SASH1: variants seen among roughly 807,000 people sequenced by gnomAD.
SASH1 encodes SAM and SH3 domain containing 1.
SASH1 carries 44 observed loss-of-function variants against 125.2 expected under a neutral mutation model. The observed-to-expected ratio is 0.35, with a 90% CI of 0.28 to 0.45. The LOEUF (loss-of-function observed/expected upper bound fraction) is 0.45. Among genes scored for constraint, SASH1 ranks in the 20% least tolerant of loss-of-function variants. The pLI, the probability that SASH1 is intolerant of heterozygous loss-of-function variation, is 1.00. For missense variants in SASH1, 1,426 were observed against 1,614.5 expected (o/e 0.88, Z 2.00); for synonymous variants, 639 against 649.1 (o/e 0.98, Z 0.24).
chr6:148,437,016 A>G (rs545720752), intron 2 of SASH1, among the ~76,000 whole-genome samples: 6 of 152,342 alleles, frequency 3.9e-5, no homozygotes, highest in African/African-American at 1.4e-4. Flanking sequence ...ATTTCTGTCT[A>G]CATTGTGACA....
chr6:148,257,917 C>T, the SASH1 span, among the ~76,000 whole-genome samples: 1 of 152,156 alleles, frequency 6.6e-6, no homozygotes, highest in Non-Finnish European at 1.5e-5. Flanking sequence ...GCTGAGCCAC[C>T]ACACCTGGCC....
intron 2 of SASH1, among the ~76,000 whole-genome samples, chr6:148,417,588 A>AAATAG (rs1784879576): frequency 6.6e-6 from 1 of 151,714 alleles, no homozygotes; most frequent in African/African-American, 2.4e-5. Context: ...TGTCAAAATA[A>AAATAG]ATAAATAAAT....
intron 1 of SASH1, among the ~76,000 whole-genome samples, chr6:148,305,463 A>G (rs2128515796): frequency 6.6e-6 from 1 of 152,190 alleles, no homozygotes; most frequent in Admixed American, 6.5e-5. Context: ...TCTCTACTAA[A>G]AATACAAAAA....
chr6:148,458,072 T>TG (rs1300489934), intron 4 of SASH1, among the ~76,000 whole-genome samples: 4 of 152,156 alleles, frequency 2.6e-5, no homozygotes, highest in African/African-American at 9.7e-5. Context: ...GTTTAGACAA[T>TG]GGGGACATCT....
the SASH1 span, among the ~76,000 whole-genome samples, chr6:148,238,945 G>T: frequency 6.6e-6 from 1 of 152,144 alleles, no homozygotes; most frequent in African/African-American, 2.4e-5. Flanking sequence ...CAGGCAGATT[G>T]CAGGGAGCTG....
chr6:148,352,721 C>T (rs1237328132), intron 1 of SASH1, among the ~76,000 whole-genome samples: 3 of 151,970 alleles, frequency 2.0e-5, no homozygotes, highest in African/African-American at 7.3e-5. Context: ...CCTGTAATTC[C>T]AGCACTTTGG....
At chr6:148,211,999 G>C in the SASH1 span, among the ~76,000 whole-genome samples, 6 of 152,210 alleles carry the variant, frequency 3.9e-5, no homozygotes, top group Non-Finnish European at 4.4e-5. Context: ...ACTTGGGTGG[G>C]ACTGAGGAAT....
intron 8 of SASH1, among the ~76,000 whole-genome samples, chr6:148,507,646 A>G (rs369300667): frequency 2.0e-5 from 3 of 152,138 alleles, no homozygotes; most frequent in Admixed American, 1.3e-4. Flanking sequence ...GGCGTGAGCC[A>G]CTGTGCCTGG....
chr6:148,538,438 A>G (rs1782006558), intron 16 of SASH1, among the ~76,000 whole-genome samples: 2 of 152,230 alleles, frequency 1.3e-5, no homozygotes, highest in Admixed American at 1.3e-4. Context: ...GCCAGAACAA[A>G]GGCCACTGCA....
At chr6:148,262,698 A>G in the SASH1 span, among the ~76,000 whole-genome samples, 1 of 152,206 alleles carries the variant, frequency 6.6e-6, no homozygotes, top group East Asian at 1.9e-4. Flanking sequence ...AGCCTGGCCA[A>G]CATGGGAAAC....
intron 9 of SASH1, among the ~76,000 whole-genome samples, chr6:148,517,894 G>A (rs1168045328): frequency 6.6e-6 from 1 of 152,196 alleles, no homozygotes; most frequent in Non-Finnish European, 1.5e-5. Context: ...CCTTAGGACT[G>A]TGGGTGGAGA....
At chr6:148,248,108 C>T in the SASH1 span, among the ~76,000 whole-genome samples, 6 of 152,260 alleles carry the variant, frequency 3.9e-5, no homozygotes, top group East Asian at 9.7e-4. Flanking sequence ...CATACAAGTC[C>T]GAAATATTTA....
In SASH1 at chr6:148,485,603, A is replaced by C. The variant is rs538518671; in HGVS notation, c.628-2011A>C. On this transcript the variant is annotated intron_variant, in intron 7 of 19. Transcript: ENST00000367467. ...TCCAGGTGGAGGAACCGAAACATAG[A>C]GGGGTTAAATAATTTGTCCTCAGGC... Among the ~76,000 whole-genome samples the C allele has an allele frequency of 1.4e-4, 21 of 152,290 alleles. No homozygotes were observed. The South Asian group carries it at 4.1e-3, about 30-fold the overall frequency.
At chr6:148,277,615 C>T (rs1779222077) in intron 1 of SASH1, among the ~76,000 whole-genome samples, 1 of 152,318 alleles carries the variant, frequency 6.6e-6, no homozygotes, top group Admixed American at 6.5e-5. Flanking sequence ...ATTATGTTGA[C>T]ACTCCAATAG....
intron 1 of SASH1, among the ~76,000 whole-genome samples, chr6:148,274,696 T>C (rs941176004): frequency 1.3e-5 from 2 of 152,200 alleles, no homozygotes; most frequent in African/African-American, 4.8e-5. Flanking sequence ...TTGTGGGAGA[T>C]GATTGTGTAT....
intron 7 of SASH1, among the ~76,000 whole-genome samples, chr6:148,486,936 AATATATATATATATATATATATATAT>A (rs68036618): frequency 0.059 from 3,664 of 61,988 alleles, 381 homozygotes; most frequent in East Asian, 0.33. Context: ...AACAACAACA[AATATATATATATATATATATATATAT>A]ATATATATAT....
At chr6:148,462,308 T>C (rs1214102558) in intron 4 of SASH1, among the ~76,000 whole-genome samples, 1 of 152,040 alleles carries the variant, frequency 6.6e-6, no homozygotes, top group African/African-American at 2.4e-5. Context: ...TTTCTTTTTT[T>C]TTTTTCTTGG....
rs1781593064 is a variant in SASH1, at chr6:148,532,726, T to G, written c.1565-71T>G. The G allele has an allele frequency of 6.4e-7, 1 of 1,561,498 alleles. No individual in the cohort carries two copies. The highest frequency in any genetic ancestry group is 1.7e-5 in the Admixed American group (1 of 59,258). ...CCTTCATTTCCTAATCTGCCATACC[T>G]TCAATACCTTTCTGCTTTGCTGGGT... is the stretch of plus-strand genomic sequence containing the variant. On this transcript the variant is annotated intron_variant, in intron 13 of 19. Coordinates refer to ENST00000367467, the MANE Select transcript of SASH1 (RefSeq NM_015278.5). This position sits in a 1 kb window ranked among gnomAD's most constrained non-coding sequence, Gnocchi z 4.7.
At chr6:148,215,921 G>A in the SASH1 span, among the ~76,000 whole-genome samples, 5 of 151,942 alleles carry the variant, frequency 3.3e-5, no homozygotes, top group Non-Finnish European at 7.4e-5. Context: ...GCAATGGTGC[G>A]ATCTTGGTTC....
Sources: gnomAD v4.1 joint callset for allele counts (sites outside exome capture counted in the v4.1 genomes callset) on GRCh38, gnomAD v4.1.1 for gene constraint, Gnocchi (gnomAD v3.1) non-coding constraint, MANE v1.5 for transcripts, NCBI Gene and HGNC (gene_info 2026-07-23, HGNC 2026-07-21) for gene names.